The following TMEM184B variants were observed in gnomAD, a reference collection of about 807,000 sequenced individuals.
TMEM184B encodes putative MAPK-activating protein FM08.
Under a neutral mutation model 41.8 loss-of-function variants are expected in TMEM184B, and 17 were observed. The observed-to-expected ratio is 0.41, with a 90% CI of 0.28 to 0.61. The LOEUF (loss-of-function observed/expected upper bound fraction) is 0.61, where lower values mean the gene tolerates loss of function less well. Among genes scored for constraint, TMEM184B ranks in the 20% least tolerant of loss-of-function variants. The pLI is 0.34. For synonymous variants in TMEM184B, 240 were observed against 229.5 expected, an observed-to-expected ratio of 1.05 and a Z score of -0.41; for missense variants, 393 against 557.8, an observed-to-expected ratio of 0.70 and a Z score of 2.98.
intron 1 of TMEM184B, among the ~76,000 whole-genome samples, chr22:38,263,375 T>G (rs1346885348): frequency 6.6e-6 from 1 of 152,168 alleles, no homozygotes. Flanking sequence ...GCAAAGACAC[T>G]TTTGATTCTC....
intron 1 of TMEM184B, among the ~76,000 whole-genome samples, chr22:38,260,499 T>A (rs952465951): frequency 6.6e-6 from 1 of 152,154 alleles, no homozygotes; most frequent in Non-Finnish European, 1.5e-5. Context: ...ACTGCCGTGC[T>A]GTGAAATCCG....
chr22:38,230,300 G>A (rs987839964), intron 5 of TMEM184B, among the ~76,000 whole-genome samples: 1 of 152,248 alleles, frequency 6.6e-6, no homozygotes, highest in Non-Finnish European at 1.5e-5. Context: ...GTTCTGGCGT[G>A]TGTCTTTAAT....
intron 5 of TMEM184B, among the ~76,000 whole-genome samples, chr22:38,228,393 C>T (rs2091510401): frequency 7.0e-6 from 1 of 143,792 alleles, no homozygotes; most frequent in African/African-American, 2.6e-5. Flanking sequence ...GAAACTGAGG[C>T]AGAGAGAAGC....
chr22:38,263,422 G>A (rs904549260), intron 1 of TMEM184B, among the ~76,000 whole-genome samples: 3 of 152,008 alleles, frequency 2.0e-5, no homozygotes, highest in East Asian at 3.9e-4. Flanking sequence ...GAGACACACC[G>A]CCCAGACCTG....
intron 3 of TMEM184B, among the ~76,000 whole-genome samples, chr22:38,245,347 G>A (rs969193889): frequency 3.4e-5 from 5 of 148,128 alleles, no homozygotes; most frequent in African/African-American, 9.9e-5. Context: ...ATTGAGAAGC[G>A]AGACCCAGGT....
At position 38,219,779 on chromosome 22, in the gene TMEM184B, AG is replaced by A. The variant is rs2091209738; in HGVS notation, c.*1689del. The A allele has an allele frequency of 1.0e-6, 1 of 985,428 alleles. No individual in the cohort carries two copies. The highest frequency in any genetic ancestry group is 1.2e-6 in the Non-Finnish European group (1 of 830,008). 61.0% of individuals were successfully genotyped at this position (985,428 alleles called of 1,614,324 possible). A position where few individuals can be genotyped will look rare whatever the true frequency, so the allele number is the denominator to read the frequency against. ...GCTTGGTGAAAGCAGATGGCGGGGC[AG>A]GGCCAGGGCTGGTCCTCAGCCTGTG... On this transcript the variant is annotated 3_prime_UTR_variant, in exon 9 of 9. Transcript: ENST00000361906.
intron 3 of TMEM184B, among the ~76,000 whole-genome samples, chr22:38,237,616 A>G (rs2091808117): frequency 6.6e-6 from 1 of 152,264 alleles, no homozygotes; most frequent in Non-Finnish European, 1.5e-5. Flanking sequence ...CACTTTGGGC[A>G]GAAATCTTCT....
At chr22:38,271,799 G>A (rs1341825659) in intron 1 of TMEM184B, among the ~76,000 whole-genome samples, 3 of 152,164 alleles carry the variant, frequency 2.0e-5, no homozygotes, top group Admixed American at 2.0e-4. Flanking sequence ...GATACGCACA[G>A]CACCCTAGGC....
At chr22:38,234,628 C>T (rs2091722795) in intron 3 of TMEM184B, among the ~76,000 whole-genome samples, 1 of 152,214 alleles carries the variant, frequency 6.6e-6, no homozygotes, top group Admixed American at 6.5e-5. Flanking sequence ...TGATCACTCA[C>T]GCCTGCATGC....
rs1184128168 is a variant in TMEM184B, at chr22:38,239,059, G to A, written c.358+6876C>T. On this transcript the variant is annotated intron_variant, in intron 3 of 8. Transcript: ENST00000361906. This position sits in a 1 kb window ranked among gnomAD's most constrained non-coding sequence, Gnocchi z 4.6. Reference sequence around the variant, plus strand: ...TCCTGCCTCTGAACCCCAAGGCCCTGTGCCTCTGATCACAGAACTCCCCAG... The same window carrying A: ...TCCTGCCTCTGAACCCCAAGGCCCTATGCCTCTGATCACAGAACTCCCCAG... Among the ~76,000 whole-genome samples, 3 of 152,202 alleles carry A rather than the reference G, an allele frequency of 2.0e-5. No homozygotes were observed. Among genetic ancestry groups the A allele is most frequent in the Non-Finnish European group, 2.9e-5 (2 of 68,032 alleles).
chr22:38,263,758 A>G (rs1033449050), intron 1 of TMEM184B, among the ~76,000 whole-genome samples: 1 of 152,204 alleles, frequency 6.6e-6, no homozygotes, highest in Admixed American at 6.5e-5. Flanking sequence ...TAAATTGTTC[A>G]TCCAAGAAAT....
chr22:38,248,455 T>A (rs2092089942), intron 1 of TMEM184B, among the ~76,000 whole-genome samples: 1 of 152,258 alleles, frequency 6.6e-6, no homozygotes, highest in African/African-American at 2.4e-5. Context: ...AGCCTGCTTC[T>A]GCCACAGGGC....
intron 1 of TMEM184B, among the ~76,000 whole-genome samples, chr22:38,258,669 A>G (rs564817351): frequency 6.6e-6 from 1 of 152,244 alleles, no homozygotes; most frequent in Admixed American, 6.5e-5. Flanking sequence ...TGGGTGCAAC[A>G]CCCCAAAAGC....
chr22:38,259,798 A>T (rs1714224177), intron 1 of TMEM184B, among the ~76,000 whole-genome samples: 1 of 152,174 alleles, frequency 6.6e-6, no homozygotes, highest in South Asian at 2.1e-4. Flanking sequence ...GTTTTTGAGA[A>T]GGAGTCTCAC....
Position 38,272,938 on chromosome 22 carries a change from C to T in TMEM184B, c.-113G>A. 2.0e-6 allele frequency: 1 copy of T among 506,398 alleles called. No individual in the cohort carries two copies. The highest frequency in any genetic ancestry group is 2.5e-6 in the Non-Finnish European group (1 of 392,678). The allele number at this position is 506,398 out of a possible 1,614,324, so 31.4% of individuals were successfully genotyped here. On this transcript the variant is annotated 5_prime_UTR_variant, in exon 1 of 9. Coordinates refer to ENST00000361906, the MANE Select transcript of TMEM184B (RefSeq NM_012264.5). ...GCGGACGATGCGCGGCAGCCGGACT[C>T]TGCGGGCGGGGCGGGCGGCGCCGCA...
intron 4 of TMEM184B, among the ~76,000 whole-genome samples, chr22:38,231,006 G>A (rs2091601194): frequency 6.6e-6 from 1 of 152,218 alleles, no homozygotes; most frequent in Non-Finnish European, 1.5e-5. Flanking sequence ...GCAGGAGGCA[G>A]AAACAGACAG....
In TMEM184B at chr22:38,221,626, T is replaced by C. The variant is rs768729000; in HGVS notation, c.1067A>G (p.Asn356Ser). The change falls in exon 9 of 9, where the codon AAC (asparagine) becomes AGC (serine). Residue 356 changes from asparagine to serine, a missense_variant. By Grantham distance (46) the Asn-to-Ser change is conservative. Coordinates refer to ENST00000361906, the MANE Select transcript of TMEM184B (RefSeq NM_012264.5). Reference protein sequence around the residue: ...PHDIVQDAIHNFSPAYQQYTQ... With the variant: ...PHDIVQDAIHSFSPAYQQYTQ... ...GTACTGCTGGTAGGCAGGTGAGAAG[T>C]TGTGGATGGCGTCCTGCACGATGTC... The C allele has an allele frequency of 1.9e-6, 3 of 1,613,800 alleles. No homozygotes were observed. In the African/African-American group the frequency reaches 4.0e-5, roughly 22 times the overall value.
intron 1 of TMEM184B, among the ~76,000 whole-genome samples, chr22:38,257,583 A>G (rs2092303680): frequency 2.6e-5 from 4 of 152,186 alleles, no homozygotes. Context: ...GTTCCAAAAA[A>G]TGACCCCGTG....
At chr22:38,261,005 TG>T (rs2092361493) in intron 1 of TMEM184B, among the ~76,000 whole-genome samples, 1 of 152,196 alleles carries the variant, frequency 6.6e-6, no homozygotes, top group African/African-American at 2.4e-5. Flanking sequence ...TTAATATAGA[TG>T]GAGAACCTTC....
Sources: gnomAD v4.1 joint callset for allele counts (sites outside exome capture counted in the v4.1 genomes callset) on GRCh38, gnomAD v4.1.1 for gene constraint, Gnocchi (gnomAD v3.1) non-coding constraint, MANE v1.5 for transcripts, NCBI Gene and HGNC (gene_info 2026-07-23, HGNC 2026-07-21) for gene names.